PNPLA8: variants seen among roughly 807,000 people sequenced by gnomAD.
PNPLA8 encodes patatin like domain 8, phospholipase A2, also known as calcium-independent phospholipase A2-gamma.
Under a neutral mutation model 76.9 loss-of-function variants are expected in PNPLA8, and 39 were observed. That is an observed-to-expected ratio of 0.51 (90% CI 0.39 to 0.66). The LOEUF (loss-of-function observed/expected upper bound fraction) is 0.66. Ranked by LOEUF, PNPLA8 falls within the 30% of genes least tolerant of loss-of-function variation. PNPLA8 has a pLI of 0.00. For synonymous variants in PNPLA8, 301 were observed against 307.9 expected (o/e 0.98, Z 0.24); for missense variants, 887 against 918.0 (o/e 0.97, Z 0.44).
At chr7:108,508,708 A>G (rs1378745602) in intron 4 of PNPLA8, among the ~76,000 whole-genome samples, 21 of 151,436 alleles carry the variant, frequency 1.4e-4, no homozygotes, top group African/African-American at 1.9e-4. Context: ...AAAAGAGCCC[A>G]CATTGCCAAG....
intron 4 of PNPLA8, chr7:108,510,420 T>C: frequency 3.3e-6 from 5 of 1,506,170 alleles, no homozygotes; most frequent in South Asian, 1.1e-5. Context: ...TATAGGCAGA[T>C]GTACAGAACT....
chr7:108,515,516 T>C lies in PNPLA8; in HGVS notation c.-25A>G, dbSNP rs777136767. The C allele has an allele frequency of 1.5e-6, 2 of 1,371,714 alleles. No homozygotes were observed. The highest frequency in any genetic ancestry group is 1.9e-6 in the Non-Finnish European group (2 of 1,056,466). 85.0% of individuals were successfully genotyped at this position (1,371,714 alleles called of 1,614,324 possible). ...TAACTTAAAAATCATTTATTTTCTA[T>C]GACATTCTCTCACTTCTTGAACGCT... On this transcript the variant is annotated 5_prime_UTR_variant, in exon 3 of 11. Coordinates refer to ENST00000257694, the MANE Select transcript of PNPLA8 (RefSeq NM_001256007.3).
intron 1 of PNPLA8, among the ~76,000 whole-genome samples, chr7:108,523,572 T>TAAA (rs1863889602): frequency 6.6e-6 from 1 of 152,202 alleles, no homozygotes; most frequent in Non-Finnish European, 1.5e-5. Flanking sequence ...CCTACGTGGC[T>TAAA]AATATGGTCC....
chr7:108,519,756 A>G (rs950602301), intron 2 of PNPLA8, among the ~76,000 whole-genome samples: 2 of 152,110 alleles, frequency 1.3e-5, no homozygotes, highest in East Asian at 1.9e-4. Flanking sequence ...CTTTTTCCCT[A>G]TCTACAAAAA....
At chr7:108,486,701 T>C (rs1860760835) in intron 9 of PNPLA8, among the ~76,000 whole-genome samples, 2 of 152,126 alleles carry the variant, frequency 1.3e-5, no homozygotes, top group South Asian at 4.1e-4. Context: ...CAAAATGAGA[T>C]AAAATTGATA....
In PNPLA8 at chr7:108,505,326, ATATATATATATATATATATATATATAT is replaced by A. The variant is rs1351135697; in HGVS notation, c.1207-2711_1207-2685del. Among the ~76,000 whole-genome samples the A allele has an allele frequency of 7.1e-3, 38 of 5,376 alleles. 1 individual carries two copies. Among genetic ancestry groups the A allele is most frequent in the East Asian group, 0.028 (5 of 178 alleles). The allele number at this position is 5,376 out of a possible 152,430, so 3.5% of individuals were successfully genotyped here. A position where few individuals can be genotyped will look rare whatever the true frequency, so the allele number is the denominator to read the frequency against. The stretch of plus-strand genomic sequence containing the variant: ...TATATATATATATATATATATATAT[ATATATATATATATATATATATATATAT>A]TTTTTTTTTTTTTTTTTTTTTTTTT... On this transcript the variant is annotated intron_variant, in intron 4 of 10. Coordinates refer to ENST00000257694, the MANE Select transcript of PNPLA8 (RefSeq NM_001256007.3).
chr7:108,527,370 A>G (rs40898), upstream of PNPLA8, among the ~76,000 whole-genome samples: 59,100 of 152,052 alleles, frequency 0.39, 11,922 homozygotes, highest in African/African-American at 0.44. Flanking sequence ...AAACCCCAGC[A>G]GTGGATAAGC....
chr7:108,528,155 C>A (rs1219866403), upstream of PNPLA8: 1 of 152,248 alleles, frequency 6.6e-6, no homozygotes, highest in African/African-American at 2.4e-5. Context: ...TTCAGGCTTT[C>A]ATCCTTGCTC....
chr7:108,525,594 A>G (rs1864018340), intron 1 of PNPLA8, among the ~76,000 whole-genome samples: 1 of 152,244 alleles, frequency 6.6e-6, no homozygotes, highest in East Asian at 1.9e-4. Context: ...CTGACAAAAA[A>G]TATCAGGCAG....
At chr7:108,518,603 G>A (rs186971035) in intron 2 of PNPLA8, among the ~76,000 whole-genome samples, 44 of 151,624 alleles carry the variant, frequency 2.9e-4, no homozygotes, top group Admixed American at 9.2e-4. Flanking sequence ...GTCAGGGTAG[G>A]GGGTATATGG....
At chr7:108,494,583 C>T (rs1428903646) in intron 7 of PNPLA8, among the ~76,000 whole-genome samples, 1 of 152,080 alleles carries the variant, frequency 6.6e-6, no homozygotes, top group Admixed American at 6.6e-5. Context: ...GCATATGTGC[C>T]ACATTTTCTT....
chr7:108,482,659 CT>C (rs1860480116), intron 9 of PNPLA8, among the ~76,000 whole-genome samples: 1 of 152,104 alleles, frequency 6.6e-6, no homozygotes. Context: ...AATGGTATGC[CT>C]TTCCATTTCT....
chr7:108,493,002 G>A (rs1052920126), intron 7 of PNPLA8, among the ~76,000 whole-genome samples: 8 of 152,206 alleles, frequency 5.3e-5, no homozygotes, highest in African/African-American at 1.9e-4. Context: ...GAATGACCAG[G>A]TGGAGAGAGA....
At chr7:108,510,349 G>T (rs898369085) in intron 4 of PNPLA8, 312 of 1,580,722 alleles carry the variant, frequency 2.0e-4, no homozygotes, top group African/African-American at 3.1e-4. Flanking sequence ...TTGCCCAAAA[G>T]ATGCTTCGAA....
At chr7:108,513,810 C>G (rs577409124) in intron 4 of PNPLA8, among the ~76,000 whole-genome samples, 1 of 152,222 alleles carries the variant, frequency 6.6e-6, no homozygotes, top group East Asian at 1.9e-4. Context: ...ATTATGTCTC[C>G]TATCTTAAAA....
chr7:108,479,808 A>C (rs1295188414), intron 9 of PNPLA8, among the ~76,000 whole-genome samples: 1 of 152,240 alleles, frequency 6.6e-6, no homozygotes, highest in African/African-American at 2.4e-5. Flanking sequence ...TTCTATCAAC[A>C]ATACAATTTC....
In PNPLA8 at chr7:108,505,352, ATTTTTTTTTTTTTTT is replaced by A. The variant is rs1164840586; in HGVS notation, c.1207-2725_1207-2711del. On this transcript the variant is annotated intron_variant, in intron 4 of 10. Coordinates refer to ENST00000257694, the MANE Select transcript of PNPLA8 (RefSeq NM_001256007.3). ...TATATATATATATATATATATATAT[ATTTTTTTTTTTTTTT>A]TTTTTTTTTTTTTTGAGACGGAGTC... Among the ~76,000 whole-genome samples the A allele has an allele frequency of 2.4e-3, 34 of 13,886 alleles. No homozygotes were observed. The South Asian group carries it at 0.03, about 12-fold the overall frequency. The allele number at this position is 13,886 out of a possible 152,430, so 9.1% of individuals were successfully genotyped here. A position where few individuals can be genotyped will look rare whatever the true frequency, so the allele number is the denominator to read the frequency against.
In PNPLA8 at chr7:108,472,716, G is replaced by A. The variant is rs772526432; in HGVS notation, c.2075-41C>T. 1.0e-5 allele frequency: 15 copies of A among 1,434,492 alleles called. No homozygotes were observed. In the East Asian group the frequency reaches 3.3e-4, roughly 32 times the overall value. 88.9% of individuals were successfully genotyped at this position (1,434,492 alleles called of 1,614,324 possible). On this transcript the variant is annotated intron_variant, in intron 10 of 10. Coordinates refer to ENST00000257694, the MANE Select transcript of PNPLA8 (RefSeq NM_001256007.3). ...AGAAAAGGATAAGGGGATAAGAAAA[G>A]AGGGGATAAAGTGAGCAATGAACTG...
chr7:108,520,674 CATGT>C (rs1863671081), intron 2 of PNPLA8, among the ~76,000 whole-genome samples: 2 of 151,934 alleles, frequency 1.3e-5, no homozygotes, highest in African/African-American at 4.8e-5. Context: ...ACATTGTATG[CATGT>C]ATCAAAATAT....
Sources: allele counts gnomAD v4.1 joint callset (sites outside exome capture counted in the v4.1 genomes callset), GRCh38; gene constraint gnomAD v4.1.1; transcripts MANE v1.5; gene names NCBI Gene and HGNC (gene_info 2026-07-23, HGNC 2026-07-21).